Variants in SCMH1 observed in about 807,000 individuals in gnomAD.
The protein encoded by SCMH1 is polycomb protein SCMH1.
In SCMH1, 37 loss-of-function variants were observed where a neutral mutation model predicts 70.8. That is an observed-to-expected ratio of 0.52 (90% CI 0.40 to 0.69). The LOEUF (loss-of-function observed/expected upper bound fraction) is 0.69, where lower values mean the gene tolerates loss of function less well. SCMH1 is among the 30% of genes least tolerant of loss of function. SCMH1 has a pLI of 0.00. For missense variants in SCMH1, 607 were observed against 827.3 expected (o/e 0.73, Z 3.27); for synonymous variants, 292 against 307.4 (o/e 0.95, Z 0.52).
rs55940657 is a variant in SCMH1, at chr1:41,192,495, GACACACACAC to G, written c.-117-6255_-117-6246del. ...TAGTTGTTGAGAGGATTAAATAGGA[GACACACACAC>G]ACACACACACACACACACACCACTT... On this transcript the variant is annotated intron_variant, in intron 1 of 14. Coordinates refer to ENST00000337495, the Ensembl canonical transcript of SCMH1. Among the ~76,000 whole-genome samples, 147 of 148,742 alleles carry G rather than the reference GACACACACAC, an allele frequency of 9.9e-4. 1 individual carries two copies. Among genetic ancestry groups the G allele is most frequent in the Non-Finnish European group, 5.8e-4 (39 of 67,108 alleles).
At chr1:41,030,087 A>G (rs1262417525) in intron 13 of SCMH1, among the ~76,000 whole-genome samples, 1 of 152,132 alleles carries the variant, frequency 6.6e-6, no homozygotes, top group African/African-American at 2.4e-5. Context: ...ATGGTGGCAC[A>G]TGCTTGCAGT....
chr1:41,215,732 G>A lies in SCMH1; in HGVS notation c.-118+26327C>T, dbSNP rs184548979. On this transcript the variant is annotated intron_variant, in intron 1 of 14. Coordinates refer to ENST00000337495, the Ensembl canonical transcript of SCMH1. ...CATTTATATCTGACCCATACTTATG[G>A]CATTTAAATACCATATTAAAATTAT... is the stretch of plus-strand genomic sequence containing the variant. Among the ~76,000 whole-genome samples, 12 of 151,994 alleles carry A rather than the reference G, an allele frequency of 7.9e-5. No homozygotes were observed. The East Asian group carries it at 2.3e-3, about 29-fold the overall frequency.
intron 5 of SCMH1, among the ~76,000 whole-genome samples, chr1:41,146,670 T>C (rs182094725): frequency 2.0e-5 from 3 of 152,304 alleles, no homozygotes; most frequent in East Asian, 3.9e-4. Context: ...CTAGGAAGAA[T>C]AGGCTATGGT....
chr1:41,187,675 T>C (rs1036198685), intron 1 of SCMH1, among the ~76,000 whole-genome samples: 12 of 151,810 alleles, frequency 7.9e-5, no homozygotes, highest in Non-Finnish European at 1.8e-4. Flanking sequence ...GAGGACCACC[T>C]GTAATCCCAG....
chr1:41,094,487 T>C (rs1258957631), intron 8 of SCMH1, among the ~76,000 whole-genome samples: 1 of 152,210 alleles, frequency 6.6e-6, no homozygotes, highest in Non-Finnish European at 1.5e-5. Flanking sequence ...AGTTTGAGAA[T>C]TGTTAAACTA....
At chr1:41,059,392 G>A (rs1259628974) in intron 10 of SCMH1, among the ~76,000 whole-genome samples, 1 of 152,180 alleles carries the variant, frequency 6.6e-6, no homozygotes, top group Non-Finnish European at 1.5e-5. Context: ...CAGCAGAGAA[G>A]GAGGGAAGAG....
chr1:41,091,363 C>T lies in SCMH1; in HGVS notation c.746-15912G>A, dbSNP rs530946117. On this transcript the variant is annotated intron_variant, in intron 8 of 14. Transcript: ENST00000337495. ...TTTCATGCTAAAAACTCTCAATAAA[C>T]TAGGTATTGATGGGATGTATCTCAA... 4.7e-4 allele frequency among the ~76,000 whole-genome samples: 71 copies of T among 152,276 alleles called. 1 individual carries two copies. The highest frequency in any genetic ancestry group is 5.0e-4 in the Non-Finnish European group (34 of 68,034).
chr1:41,052,917 C>CTTTTT (rs113009874), intron 10 of SCMH1, among the ~76,000 whole-genome samples: 11 of 134,794 alleles, frequency 8.2e-5, no homozygotes, highest in Non-Finnish European at 1.1e-4. Context: ...AAATTGTAGG[C>CTTTTT]TTTTTTTTTT....
chr1:41,195,942 T>G (rs1404073866), intron 1 of SCMH1, among the ~76,000 whole-genome samples: 2 of 152,076 alleles, frequency 1.3e-5, no homozygotes, highest in African/African-American at 4.8e-5. Context: ...CAAAGAAAAT[T>G]AAGAAAATAA....
chr1:41,041,892 A>G (rs1053699008), intron 12 of SCMH1, among the ~76,000 whole-genome samples: 6 of 152,178 alleles, frequency 3.9e-5, no homozygotes, highest in Non-Finnish European at 7.4e-5. Context: ...GTAGATTTCA[A>G]TTACAGCTAA....
chr1:41,070,762 G>A (rs1656207555), intron 9 of SCMH1, 41 bp from the exon 10 acceptor site: 10 of 1,610,246 alleles, frequency 6.2e-6, no homozygotes, highest in Non-Finnish European at 8.5e-6. Context: ...CCCATGACAG[G>A]TCTTTTCATT....
In SCMH1 at chr1:41,032,007, C is replaced by T. The variant is rs533992520; in HGVS notation, c.1679-3281G>A. ...ATGAGATTAGTACTCTCATCAAACA[C>T]GGTGCAGAGAGCTCCCTTGCCCCTT... is the stretch of plus-strand genomic sequence containing the variant. On this transcript the variant is annotated intron_variant, in intron 13 of 14. Transcript: ENST00000337495. Among the ~76,000 whole-genome samples, 99 of 150,400 alleles carry T rather than the reference C, an allele frequency of 6.6e-4. 1 individual carries two copies. Among genetic ancestry groups the T allele is most frequent in the Non-Finnish European group, 6.4e-4 (43 of 67,422 alleles).
intron 1 of SCMH1, among the ~76,000 whole-genome samples, chr1:41,222,148 G>A (rs1056875047): frequency 3.3e-5 from 5 of 151,546 alleles, no homozygotes; most frequent in Non-Finnish European, 7.4e-5. Flanking sequence ...CAAGCAGAAA[G>A]TGAGGGAAGG....
chr1:41,042,400 C>A (rs1016117057), intron 12 of SCMH1, among the ~76,000 whole-genome samples: 1 of 152,100 alleles, frequency 6.6e-6, no homozygotes, highest in African/African-American at 2.4e-5. Context: ...AAGCATGCAC[C>A]ACCACGCCCA....
rs1643876826 is a variant in SCMH1, at chr1:41,139,699, T to TACACACATAGACACACAC, written c.412+3161_412+3178dup. Among the ~76,000 whole-genome samples the TACACACATAGACACACAC allele has an allele frequency of 3.3e-5, 5 of 152,170 alleles. No individual in the cohort carries two copies. The South Asian group carries it at 1.0e-3, about 32-fold the overall frequency. On this transcript the variant is annotated intron_variant, in intron 6 of 14. Coordinates refer to ENST00000337495, the Ensembl canonical transcript of SCMH1. ...AAAAGGCAGGGGATAGATACACACATACACACATAGACACACACACATGCC... is the reference window on the plus strand; with the variant it reads ...AAAAGGCAGGGGATAGATACACACATACACACATAGACACACACACACACATAGACACACACACATGCC...
intron 9 of SCMH1, among the ~76,000 whole-genome samples, chr1:41,071,874 G>A (rs1367540256): frequency 6.6e-6 from 1 of 152,034 alleles, no homozygotes; most frequent in Non-Finnish European, 1.5e-5. Flanking sequence ...TATTGCCAAG[G>A]CTGGTCTCGA....
chr1:41,190,094 G>A (rs1180028382), intron 1 of SCMH1, among the ~76,000 whole-genome samples: 3 of 152,286 alleles, frequency 2.0e-5, no homozygotes, highest in South Asian at 2.1e-4. Context: ...AGTCCTGGAT[G>A]CTCCATTCTT....
exon 13 of SCMH1, chr1:41,037,485 A>T (rs1322746583): frequency 6.2e-7 from 1 of 1,614,124 alleles, no homozygotes; most frequent in African/African-American, 1.3e-5. Context: ...GAGTCCATTG[A>T]GTCTGAGTGT....
chr1:41,076,596 C>T (rs1658360403), intron 8 of SCMH1, among the ~76,000 whole-genome samples: 2 of 152,056 alleles, frequency 1.3e-5, no homozygotes, highest in African/African-American at 4.8e-5. Context: ...AAAATTAATG[C>T]AGGGTAAGGA....
Sources: gnomAD v4.1 joint callset for allele counts (sites outside exome capture counted in the v4.1 genomes callset) on GRCh38, gnomAD v4.1.1 for gene constraint, MANE v1.5 for transcripts, NCBI Gene and HGNC (gene_info 2026-07-23, HGNC 2026-07-21) for gene names.